Variants in PTPRK observed in about 807,000 individuals in gnomAD.
The protein encoded by PTPRK is protein tyrosine phosphatase receptor type K, also known as receptor-type tyrosine-protein phosphatase kappa.
Under a neutral mutation model 178.0 loss-of-function variants are expected in PTPRK, and 75 were observed. That is an observed-to-expected ratio of 0.42 (90% CI 0.35 to 0.51). The LOEUF (loss-of-function observed/expected upper bound fraction) is 0.51. PTPRK is among the 20% of genes least tolerant of loss of function. PTPRK has a pLI of 0.02. For missense variants in PTPRK, 1,441 were observed against 1,797.8 expected (o/e 0.80, Z 3.59); for synonymous variants, 637 against 620.6 (o/e 1.03, Z -0.39).
At chr6:128,274,472 C>A (rs1820406420) in intron 3 of PTPRK, among the ~76,000 whole-genome samples, 1 of 152,054 alleles carries the variant, frequency 6.6e-6, no homozygotes, top group African/African-American at 2.4e-5. Flanking sequence ...CTATTGAGGG[C>A]ATTTTAAAAT....
At chr6:128,147,461 T>A (rs189272186) in intron 7 of PTPRK, among the ~76,000 whole-genome samples, 57 of 152,292 alleles carry the variant, frequency 3.7e-4, no homozygotes, top group African/African-American at 1.3e-3. Flanking sequence ...AGTGTCTCTC[T>A]TCCATGGATG....
chr6:127,990,282 T>C (rs1402360440), intron 21 of PTPRK, among the ~76,000 whole-genome samples: 2 of 152,124 alleles, frequency 1.3e-5, no homozygotes, highest in African/African-American at 4.8e-5. Flanking sequence ...GCTTTACACA[T>C]GCCTCTAGGC....
At chr6:128,436,937 G>T (rs1249118034) in intron 1 of PTPRK, among the ~76,000 whole-genome samples, 1 of 152,148 alleles carries the variant, frequency 6.6e-6, no homozygotes, top group East Asian at 1.9e-4. Flanking sequence ...TACACCTATA[G>T]TTAGCGATAC....
At chr6:128,143,675 C>A (rs1796090734) in intron 7 of PTPRK, among the ~76,000 whole-genome samples, 1 of 152,168 alleles carries the variant, frequency 6.6e-6, no homozygotes, top group African/African-American at 2.4e-5. Context: ...CACTTCTAGT[C>A]TGCTGGCCTT....
chr6:128,299,234 T>C (rs908491545), intron 3 of PTPRK, among the ~76,000 whole-genome samples: 5 of 151,718 alleles, frequency 3.3e-5, no homozygotes, highest in African/African-American at 1.2e-4. Context: ...TACAAACAAA[T>C]GGAAGAACAT....
chr6:128,483,576 AG>A (rs1360308428), intron 1 of PTPRK, among the ~76,000 whole-genome samples: 1 of 152,152 alleles, frequency 6.6e-6, no homozygotes, highest in Non-Finnish European at 1.5e-5. Context: ...GAACAAGGGA[AG>A]GTCCAAAACA....
intron 1 of PTPRK, among the ~76,000 whole-genome samples, chr6:128,462,055 C>T (rs763779045): frequency 6.6e-6 from 1 of 152,056 alleles, no homozygotes; most frequent in East Asian, 1.9e-4. Context: ...ACTCCAACTC[C>T]TGCGCTCAAG....
intron 13 of PTPRK, among the ~76,000 whole-genome samples, chr6:128,048,824 G>A (rs1421618348): frequency 2.6e-5 from 4 of 152,052 alleles, no homozygotes; most frequent in East Asian, 1.9e-4. Flanking sequence ...TCGGGGTCCC[G>A]GGACCAGTCC....
intron 6 of PTPRK, among the ~76,000 whole-genome samples, chr6:128,206,909 T>G (rs1259855213): frequency 1.3e-5 from 2 of 152,196 alleles, no homozygotes; most frequent in Non-Finnish European, 2.9e-5. Flanking sequence ...CATATTAGCA[T>G]AGCTTACAAG....
intron 2 of PTPRK, among the ~76,000 whole-genome samples, chr6:128,389,415 TTTTTTTG>T (rs1839233776): frequency 6.7e-6 from 1 of 149,228 alleles, no homozygotes; most frequent in Non-Finnish European, 1.5e-5. Context: ...TTTTTTTTGT[TTTTTTTG>T]TTGTGTGTGT....
chr6:128,211,203 G>A (rs900865114), intron 6 of PTPRK, among the ~76,000 whole-genome samples: 17 of 152,022 alleles, frequency 1.1e-4, no homozygotes, highest in South Asian at 4.1e-4. Flanking sequence ...GAGGAAAGCC[G>A]CCATATTTTC....
chr6:128,240,538 T>A (rs141088993), intron 4 of PTPRK, among the ~76,000 whole-genome samples: 67 of 152,234 alleles, frequency 4.4e-4, no homozygotes, highest in African/African-American at 1.6e-3. Context: ...TATAAAGATA[T>A]AATGAAAACA....
chr6:128,085,671 T>C (rs1417762385), intron 8 of PTPRK, among the ~76,000 whole-genome samples: 12 of 151,894 alleles, frequency 7.9e-5, no homozygotes, highest in Admixed American at 6.6e-5. Flanking sequence ...GAAAAAGGAG[T>C]AGAATTGGGA....
At position 127,977,893 on chromosome 6, in the gene PTPRK, A is replaced by C. The variant is rs192522262; in HGVS notation, c.3712-839T>G. The stretch of plus-strand genomic sequence containing the variant: ...TTGATTTAAACTAATTATTTGCAAT[A>C]ATAATAATAATAATTAGTAGATTAT... On this transcript the variant is annotated intron_variant, in intron 25 of 29. Coordinates refer to ENST00000368226, the MANE Select transcript of PTPRK (RefSeq NM_002844.4). 1.5e-4 allele frequency among the ~76,000 whole-genome samples: 23 copies of C among 152,274 alleles called. No homozygotes were observed. In the East Asian group the frequency reaches 4.2e-3, roughly 28 times the overall value.
intron 3 of PTPRK, among the ~76,000 whole-genome samples, chr6:128,246,035 G>A (rs960334387): frequency 2.0e-5 from 3 of 152,154 alleles, no homozygotes; most frequent in Non-Finnish European, 4.4e-5. Context: ...ATAGAAAGGT[G>A]CTATCTAAAC....
At chr6:128,085,075 A>G (rs185828245) in intron 8 of PTPRK, 56 of 152,364 alleles carry the variant, frequency 3.7e-4, no homozygotes, top group Admixed American at 1.2e-3. Flanking sequence ...ATTTCAATCT[A>G]CAAGGAGACT....
At chr6:127,995,280 CAA>C in intron 18 of PTPRK, 180 bp downstream of exon 18, 1 of 1,606,948 alleles carries the variant, frequency 6.2e-7, no homozygotes, top group Non-Finnish European at 8.5e-7. Flanking sequence ...CAGCCCAAAC[CAA>C]AGTCAGGTGT....
intron 6 of PTPRK, among the ~76,000 whole-genome samples, chr6:128,192,929 A>T (rs1804091067): frequency 7.0e-6 from 1 of 143,176 alleles, no homozygotes; most frequent in East Asian, 2.2e-4. Context: ...AGAAAGGGAG[A>T]GGGGGAAGGA....
intron 7 of PTPRK, among the ~76,000 whole-genome samples, chr6:128,144,170 C>A (rs1796157548): frequency 6.6e-6 from 1 of 152,126 alleles, no homozygotes; most frequent in Non-Finnish European, 1.5e-5. Flanking sequence ...CTTCCTCAAA[C>A]ATGATGCTTC....
Sources: gnomAD v4.1 joint callset for allele counts (sites outside exome capture counted in the v4.1 genomes callset) on GRCh38, gnomAD v4.1.1 for gene constraint, MANE v1.5 for transcripts, NCBI Gene and HGNC (gene_info 2026-07-23, HGNC 2026-07-21) for gene names.